The following ACOT11 variants were observed in gnomAD, a reference collection of about 807,000 sequenced individuals.
The protein encoded by ACOT11 is acyl-coenzyme A thioesterase 11.
ACOT11 carries 69 observed loss-of-function variants against 77.5 expected under a neutral mutation model. That is an observed-to-expected ratio of 0.89 (90% confidence interval 0.73 to 1.09). ACOT11 has a LOEUF of 1.09. ACOT11 is among the 50% of genes least tolerant of loss of function. ACOT11 has a pLI of 0.00. For missense variants in ACOT11, 766 were observed against 813.7 expected (o/e 0.94, Z 0.71); for synonymous variants, 279 against 313.0 (o/e 0.89, Z 1.15).
rs1644102713 is a variant in ACOT11, at chr1:54,610,261, C to T, written c.*1149C>T. ...CTCTTGACATCACTGTACTCCCTCT[C>T]CCTCCCCGCAACCCTGCCCCACCTT... On this transcript the variant is annotated 3_prime_UTR_variant, in exon 16 of 16. Transcript: ENST00000343744. The T allele has an allele frequency of 6.8e-7, 1 of 1,475,734 alleles. No homozygotes were observed. Among genetic ancestry groups the T allele is most frequent in the Non-Finnish European group, 8.9e-7 (1 of 1,119,864 alleles). 91.4% of individuals were successfully genotyped at this position (1,475,734 alleles called of 1,614,324 possible). A position where few individuals can be genotyped will look rare whatever the true frequency, so the allele number is the denominator to read the frequency against.
chr1:54,601,146 T>G, intron 8 of ACOT11, 123 bp from the exon 9 acceptor site: 1 of 1,100,150 alleles, frequency 9.1e-7, no homozygotes, highest in Non-Finnish European at 1.3e-6. Flanking sequence ...CATACGTGTG[T>G]GTGTGTGCAT....
At position 54,609,794 on chromosome 1, in the gene ACOT11, A is replaced by G. The variant is rs760754531; in HGVS notation, c.*682A>G. The G allele has an allele frequency of 4.3e-6, 7 of 1,614,154 alleles. No homozygotes were observed. The South Asian group carries it at 6.6e-5, about 15-fold the overall frequency. On this transcript the variant is annotated 3_prime_UTR_variant, in exon 16 of 16. Coordinates refer to ENST00000343744, the MANE Select transcript of ACOT11 (RefSeq NM_147161.4). ...TGCGGGCTCCGCTATTTGCAAATGG[A>G]TGCCCCAGTGTCCGGGATGTGTGGC... is the stretch of plus-strand genomic sequence containing the variant.
intron 16 of ACOT11, among the ~76,000 whole-genome samples, chr1:54,634,098 A>G (rs982940755): frequency 6.6e-6 from 1 of 152,226 alleles, no homozygotes; most frequent in Non-Finnish European, 1.5e-5. Context: ...TTACATGGAT[A>G]TGATCCTGGA....
intron 1 of ACOT11, among the ~76,000 whole-genome samples, chr1:54,563,833 C>CG (rs1006304126): frequency 7.9e-5 from 12 of 151,844 alleles, no homozygotes; most frequent in Non-Finnish European, 7.4e-5. Flanking sequence ...GCTGAGGGAG[C>CG]GGGGGGCGGA....
At chr1:54,566,337 A>G (rs569331656) in intron 1 of ACOT11, among the ~76,000 whole-genome samples, 23 of 152,084 alleles carry the variant, frequency 1.5e-4, no homozygotes, top group Non-Finnish European at 1.0e-4. Flanking sequence ...CGTTCCTGTA[A>G]TCCCAGCTAC....
intron 4 of ACOT11, 71 bp downstream of exon 4, chr1:54,592,677 C>T (rs1654752809): frequency 2.6e-6 from 4 of 1,529,612 alleles, no homozygotes; most frequent in Non-Finnish European, 3.6e-6. Context: ...CCATTCTTCT[C>T]CCTGCAGCCC....
intron 1 of ACOT11, among the ~76,000 whole-genome samples, chr1:54,549,099 C>T (rs1323151497): frequency 2.6e-5 from 4 of 152,134 alleles, no homozygotes; most frequent in Non-Finnish European, 5.9e-5. Context: ...TATCTATCCT[C>T]TCCCTCCATC....
downstream of ACOT11, chr1:54,614,563 A>G: frequency 1.2e-6 from 1 of 812,566 alleles, no homozygotes; most frequent in Non-Finnish European, 1.9e-6. Flanking sequence ...AGGGAACAGC[A>G]TGTGCAAAGG....
At chr1:54,552,017 G>T (rs1653087625) in intron 1 of ACOT11, among the ~76,000 whole-genome samples, 4 of 152,188 alleles carry the variant, frequency 2.6e-5, no homozygotes, top group African/African-American at 9.7e-5. Flanking sequence ...TTCATAAGGG[G>T]TCTAACCCAG....
At chr1:54,613,178 G>C (rs1644136846), downstream of ACOT11, among the ~76,000 whole-genome samples, 3 of 152,044 alleles carry the variant, frequency 2.0e-5, no homozygotes, top group Admixed American at 2.0e-4. Flanking sequence ...TTGGGAGTTC[G>C]AGACCAGCCT....
chr1:54,591,697 C>T (rs1243686847), intron 3 of ACOT11, among the ~76,000 whole-genome samples: 2 of 152,212 alleles, frequency 1.3e-5, no homozygotes, highest in Non-Finnish European at 2.9e-5. Flanking sequence ...CTAGGTGGCT[C>T]CCCTGGGGAT....
exon 17 of ACOT11, chr1:54,635,637 A>G: frequency 5.3e-6 from 1 of 188,768 alleles, no homozygotes; most frequent in Non-Finnish European, 1.1e-5. Context: ...GCAGCTAGTA[A>G]CCCATTTAAA....
intron 13 of ACOT11, among the ~76,000 whole-genome samples, chr1:54,606,169 T>C (rs1405529206): frequency 6.6e-6 from 1 of 152,218 alleles, no homozygotes; most frequent in Non-Finnish European, 1.5e-5. Flanking sequence ...GACTCAGGCC[T>C]GCTGGTTGTC....
chr1:54,614,633 C>T, downstream of ACOT11: 2 of 1,509,482 alleles, frequency 1.3e-6, no homozygotes, highest in Non-Finnish European at 1.8e-6. Flanking sequence ...CCCTAAGATC[C>T]CCATCCTGTG....
intron 1 of ACOT11, among the ~76,000 whole-genome samples, chr1:54,553,285 G>A (rs1653137451): frequency 1.3e-5 from 2 of 151,664 alleles, no homozygotes; most frequent in South Asian, 4.2e-4. Context: ...GGAGGCCGAG[G>A]TCGGTGGATT....
At chr1:54,579,143 C>G (rs1311265271) in intron 1 of ACOT11, among the ~76,000 whole-genome samples, 3 of 152,228 alleles carry the variant, frequency 2.0e-5, no homozygotes, top group Admixed American at 6.5e-5. Flanking sequence ...GGAACAGCCT[C>G]CTGGTATCCT....
chr1:54,567,339 C>T (rs1653770355), intron 1 of ACOT11, among the ~76,000 whole-genome samples: 1 of 149,330 alleles, frequency 6.7e-6, no homozygotes, highest in African/African-American at 2.5e-5. Flanking sequence ...AGTGCAATGG[C>T]GCGATCTAGG....
At chr1:54,565,382 G>C (rs140222800) in intron 1 of ACOT11, among the ~76,000 whole-genome samples, 1 of 152,290 alleles carries the variant, frequency 6.6e-6, no homozygotes, top group East Asian at 1.9e-4. Context: ...GGTGTCCAAA[G>C]TCCCAGGCTG....
At chr1:54,623,513 C>T (rs1644251672) in intron 15 of ACOT11, 1 of 760,152 alleles carries the variant, frequency 1.3e-6, no homozygotes, top group African/African-American at 1.7e-5. Context: ...CTCCACCGGG[C>T]CTGGTCTGCT....
Sources: gnomAD v4.1 joint callset for allele counts (sites outside exome capture counted in the v4.1 genomes callset) on GRCh38, gnomAD v4.1.1 for gene constraint, MANE v1.5 for transcripts, NCBI Gene and HGNC (gene_info 2026-07-23, HGNC 2026-07-21) for gene names.